GRIA4: variants seen among roughly 807,000 people sequenced by gnomAD.
The protein encoded by GRIA4 is glutamate receptor 4.
GRIA4 carries 34 observed loss-of-function variants against 104.0 expected under a neutral mutation model. The ratio of observed to expected loss-of-function variants is 0.33; its 90% CI spans 0.25 to 0.44. The LOEUF (loss-of-function observed/expected upper bound fraction) is 0.44. GRIA4 is among the 20% of genes least tolerant of loss of function. GRIA4 has a pLI of 1.00. For synonymous variants in GRIA4, 386 were observed against 381.9 expected (o/e 1.01, Z -0.13); for missense variants, 750 against 1,096.5 (o/e 0.68, Z 4.46).
intron 5 of GRIA4, among the ~76,000 whole-genome samples, chr11:105,864,565 C>T (rs1025210669): frequency 6.6e-6 from 1 of 152,128 alleles, no homozygotes; most frequent in Non-Finnish European, 1.5e-5. Context: ...AGGATGGACA[C>T]ACTTCATATT....
chr11:105,665,625 A>G (rs910703831), intron 3 of GRIA4, among the ~76,000 whole-genome samples: 1 of 152,024 alleles, frequency 6.6e-6, no homozygotes, highest in Non-Finnish European at 1.5e-5. Flanking sequence ...TTTAACATCT[A>G]AACAAAGCTA....
At chr11:105,874,440 T>G (rs1459967116) in intron 5 of GRIA4, among the ~76,000 whole-genome samples, 1 of 152,220 alleles carries the variant, frequency 6.6e-6, no homozygotes, top group Non-Finnish European at 1.5e-5. Context: ...AGTAGTTTTT[T>G]CTAACCCGGT....
intron 11 of GRIA4, among the ~76,000 whole-genome samples, chr11:105,919,153 C>A (rs2136185090): frequency 6.6e-6 from 1 of 152,146 alleles, no homozygotes; most frequent in Non-Finnish European, 1.5e-5. Flanking sequence ...TCAGAATATA[C>A]AATCCTAGTT....
At chr11:105,908,320 CT>C in intron 9 of GRIA4, among the ~76,000 whole-genome samples, 1 of 152,196 alleles carries the variant, frequency 6.6e-6, no homozygotes, top group East Asian at 1.9e-4. Context: ...TTTTCACTCA[CT>C]TTTTGTCTAT....
intron 4 of GRIA4, among the ~76,000 whole-genome samples, chr11:105,812,986 C>T (rs565007666): frequency 3.5e-5 from 5 of 144,412 alleles, no homozygotes; most frequent in Admixed American, 1.5e-4. Flanking sequence ...CTGTAGTCCT[C>T]GGGAGGCTGA....
intron 3 of GRIA4, among the ~76,000 whole-genome samples, chr11:105,668,286 T>C (rs1328030723): frequency 6.8e-6 from 1 of 147,410 alleles, no homozygotes; most frequent in Non-Finnish European, 1.5e-5. Context: ...AGGGTAGATC[T>C]TAATACATAT....
At chr11:105,709,002 T>C (rs548112345) in intron 3 of GRIA4, among the ~76,000 whole-genome samples, 1 of 152,174 alleles carries the variant, frequency 6.6e-6, no homozygotes, top group African/African-American at 2.4e-5. Flanking sequence ...ACACTTGGCA[T>C]CCATTCTCCA....
chr11:105,871,221 A>C (rs1945602265), intron 5 of GRIA4, among the ~76,000 whole-genome samples: 1 of 152,080 alleles, frequency 6.6e-6, no homozygotes, highest in Non-Finnish European at 1.5e-5. Flanking sequence ...TTTGCCAAAC[A>C]CCATTTTTGT....
chr11:105,932,835 G>GT (rs1183029331), intron 13 of GRIA4, among the ~76,000 whole-genome samples: 5 of 152,158 alleles, frequency 3.3e-5, no homozygotes, highest in African/African-American at 1.2e-4. Context: ...GCTATACCAG[G>GT]TTTTGCCTCT....
chr11:105,726,348 C>A (rs1027475584), intron 3 of GRIA4, among the ~76,000 whole-genome samples: 3 of 152,282 alleles, frequency 2.0e-5, no homozygotes, highest in South Asian at 2.1e-4. Flanking sequence ...CTAGATTCCT[C>A]CTCTCTGGGC....
At chr11:105,794,455 G>T (rs1591267980) in intron 4 of GRIA4, among the ~76,000 whole-genome samples, 1 of 111,432 alleles carries the variant, frequency 9.0e-6, no homozygotes, top group African/African-American at 3.6e-5. Context: ...GTGTGTGTCT[G>T]TGTGTGTGTA....
At chr11:105,854,663 G>T (rs1354921247) in intron 4 of GRIA4, among the ~76,000 whole-genome samples, 2 of 152,130 alleles carry the variant, frequency 1.3e-5, no homozygotes, top group Non-Finnish European at 2.9e-5. Flanking sequence ...CCAGGTTTTT[G>T]ATATATTTTG....
In GRIA4 at chr11:105,813,643, A is replaced by T. The variant is rs140264310; in HGVS notation, c.488-48381A>T. 2.0e-5 allele frequency among the ~76,000 whole-genome samples: 3 copies of T among 152,200 alleles called. No homozygotes were observed. The East Asian group carries it at 5.8e-4, about 30-fold the overall frequency. ...TAAGGCTTTGAATAAGTGCTCTGCC[A>T]CTCACCAGGTATGCAACATTTGGAC... On this transcript the variant is annotated intron_variant, in intron 4 of 16. Transcript: ENST00000282499.
In GRIA4 at chr11:105,658,713, C is replaced by T. The variant is rs1389397694; in HGVS notation, c.247+46279C>T. 4.6e-5 allele frequency among the ~76,000 whole-genome samples: 7 copies of T among 152,020 alleles called. No individual in the cohort carries two copies. In the East Asian group the frequency reaches 9.7e-4, roughly 21 times the overall value. ...AAGAAATGTATAGGGATATAAGACT[C>T]GGCTCTGAAAGGAGCAAAGACCTCC... On this transcript the variant is annotated intron_variant, in intron 3 of 16. Coordinates refer to ENST00000282499, the MANE Select transcript of GRIA4 (RefSeq NM_000829.4).
At chr11:105,684,761 T>C (rs954576100) in intron 3 of GRIA4, among the ~76,000 whole-genome samples, 2 of 151,610 alleles carry the variant, frequency 1.3e-5, no homozygotes, top group African/African-American at 4.8e-5. Flanking sequence ...TTAACTCTTT[T>C]AGAATTGTTA....
At chr11:105,848,686 A>G (rs765817342) in intron 4 of GRIA4, among the ~76,000 whole-genome samples, 11 of 152,148 alleles carry the variant, frequency 7.2e-5, no homozygotes, top group Non-Finnish European at 1.3e-4. Context: ...GTGCTTAATA[A>G]TGCAACTGCT....
At chr11:105,641,123 GTAAAA>G (rs1473206644) in intron 3 of GRIA4, among the ~76,000 whole-genome samples, 1 of 152,030 alleles carries the variant, frequency 6.6e-6, no homozygotes, top group African/African-American at 2.4e-5. Context: ...GAAAGTAAAA[GTAAAA>G]TAAAATAGAG....
At chr11:105,765,287 C>A (rs1940879999) in intron 4 of GRIA4, among the ~76,000 whole-genome samples, 1 of 152,098 alleles carries the variant, frequency 6.6e-6, no homozygotes, top group South Asian at 2.1e-4. Context: ...TACTCCTATT[C>A]CAAACTATAA....
chr11:105,917,084 A>G (rs959871004), intron 10 of GRIA4, among the ~76,000 whole-genome samples: 17 of 152,226 alleles, frequency 1.1e-4, no homozygotes, highest in African/African-American at 4.1e-4. Context: ...TTTTATAACC[A>G]CATTTGCTAA....
Sources: allele counts gnomAD v4.1 joint callset (sites outside exome capture counted in the v4.1 genomes callset), GRCh38; gene constraint gnomAD v4.1.1; transcripts MANE v1.5; gene names NCBI Gene and HGNC (gene_info 2026-07-23, HGNC 2026-07-21).